The following EFCAB7 variants were observed in gnomAD, a reference collection of about 807,000 sequenced individuals.
EFCAB7 encodes the protein EF-hand calcium binding domain 7.
In EFCAB7, 66 loss-of-function variants were observed where a neutral mutation model predicts 77.1. That is an observed-to-expected ratio of 0.86 (90% CI 0.70 to 1.05). The LOEUF is 1.05. Ranked by LOEUF, EFCAB7 falls within the 50% of genes least tolerant of loss-of-function variation. The pLI, the probability that EFCAB7 is intolerant of heterozygous loss-of-function variation, is 0.00. For synonymous variants in EFCAB7, 225 were observed against 243.3 expected (o/e 0.92, Z 0.70); for missense variants, 638 against 730.5 (o/e 0.87, Z 1.46).
At chr1:63,528,666 T>TAC (rs1646640256) in intron 2 of EFCAB7, among the ~76,000 whole-genome samples, 2 of 152,102 alleles carry the variant, frequency 1.3e-5, no homozygotes, top group African/African-American at 4.8e-5. Context: ...AAAAATCTCA[T>TAC]ATTATACACC....
chr1:63,563,374 C>T (rs1294243801), intron 11 of EFCAB7, among the ~76,000 whole-genome samples: 1 of 152,122 alleles, frequency 6.6e-6, no homozygotes, highest in African/African-American at 2.4e-5. Flanking sequence ...AATAAAAAGA[C>T]AAAGCTGAAT....
downstream of EFCAB7, among the ~76,000 whole-genome samples, chr1:63,573,562 T>C (rs1557693088): frequency 6.6e-6 from 1 of 152,258 alleles, no homozygotes; most frequent in Non-Finnish European, 1.5e-5. Flanking sequence ...AGACATCAGC[T>C]GTGATGGCTT....
intron 13 of EFCAB7, among the ~76,000 whole-genome samples, chr1:63,571,839 T>C (rs1046693438): frequency 4.6e-5 from 7 of 152,128 alleles, no homozygotes; most frequent in Non-Finnish European, 1.0e-4. Flanking sequence ...CAAAATGCTT[T>C]TATCTGCATT....
chr1:63,552,943 T>C (rs1344607397), intron 8 of EFCAB7, among the ~76,000 whole-genome samples: 1 of 152,222 alleles, frequency 6.6e-6, no homozygotes, highest in Non-Finnish European at 1.5e-5. Context: ...AAACAGTAGC[T>C]GTTTCCACTT....
chr1:63,574,079 C>T (rs12065692), downstream of EFCAB7, among the ~76,000 whole-genome samples: 2 of 152,228 alleles, frequency 1.3e-5, no homozygotes, highest in East Asian at 3.9e-4. Flanking sequence ...AGTGTCTACC[C>T]CGACCAAGAG....
intron 11 of EFCAB7, 54 bp from the exon 12 acceptor site, chr1:63,568,256 A>G: frequency 1.4e-6 from 2 of 1,402,664 alleles, no homozygotes. Context: ...ACATATTAAT[A>G]ATTTATTTAA....
intron 2 of EFCAB7, among the ~76,000 whole-genome samples, chr1:63,530,628 TGAAGA>T (rs1646678592): frequency 6.6e-6 from 1 of 152,180 alleles, no homozygotes. Flanking sequence ...TGGTTAAAAA[TGAAGA>T]GTAGTTTGAC....
At chr1:63,549,498 T>A in intron 7 of EFCAB7, 1 of 458,648 alleles carries the variant, frequency 2.2e-6, no homozygotes. Context: ...GGTGGATAAT[T>A]ACTGTACCTT....
the EFCAB7 span, among the ~76,000 whole-genome samples, chr1:63,580,011 GTAGA>G: frequency 6.6e-6 from 1 of 152,102 alleles, no homozygotes; most frequent in African/African-American, 2.4e-5. Flanking sequence ...CTTCTCTTCT[GTAGA>G]TAGTCTTTTT....
At chr1:63,534,069 G>C in intron 5 of EFCAB7, 26 bp from the exon 6 acceptor site, 1 of 1,611,734 alleles carries the variant, frequency 6.2e-7, no homozygotes, top group Non-Finnish European at 8.5e-7. Flanking sequence ...CATAATGTCA[G>C]ACCAAATAAT....
rs201586779 is a variant in EFCAB7 at position 63,546,067 on chromosome 1, A to T, written c.946+10A>T. 12 of 1,601,714 alleles carry T rather than the reference A, an allele frequency of 7.5e-6. No individual in the cohort carries two copies. The highest frequency in any genetic ancestry group is 1.0e-5 in the Non-Finnish European group (12 of 1,177,020). ...CTGAGTCAAGTTGAAGGCAAGTTTAAGTTTTTTGTATATTTTTAAAATGTC... is the reference window on the plus strand; with the variant it reads ...CTGAGTCAAGTTGAAGGCAAGTTTATGTTTTTTGTATATTTTTAAAATGTC... On this transcript the variant is annotated intron_variant, in intron 7 of 13. Coordinates refer to ENST00000371088, the MANE Select transcript of EFCAB7 (RefSeq NM_032437.4).
At position 63,534,201 on chromosome 1, in the gene EFCAB7, G is replaced by C. The variant is rs1171769084; in HGVS notation, c.789G>C (p.Glu263Asp). The change falls in exon 6 of 14, where the codon GAG becomes GAC. Residue 263 changes from glutamate (E) to aspartate (D), a missense_variant. Physicochemically the swap from Glu to Asp is conservative, Grantham distance 45. Transcript: ENST00000371088. Reference protein sequence around the residue: ...ANGNRNSKLMEPNLIKDWQHM... With the variant: ...ANGNRNSKLMDPNLIKDWQHM... ...GTAACCGAAACTCAAAGTTAATGGA[G>C]CCAAATTTAATAAAGGTATAGTATT... 1 of 1,611,850 alleles carries C rather than the reference G, an allele frequency of 6.2e-7. No homozygotes were observed. The highest frequency in any genetic ancestry group is 2.2e-5 in the East Asian group (1 of 44,796).
chr1:63,572,517 ATAAT>A lies in EFCAB7; in HGVS notation c.*4_*7del. ...TTGTATATATTCTCTTATTTCTTAA[ATAAT>A]TATACTTAGAACTTACCAAACTAAG... On this transcript the variant is annotated 3_prime_UTR_variant, in exon 14 of 14. Coordinates refer to ENST00000371088, the MANE Select transcript of EFCAB7 (RefSeq NM_032437.4). 6.8e-7 allele frequency: 1 copy of A among 1,472,068 alleles called. No homozygotes were observed. The highest frequency in any genetic ancestry group is 1.3e-5 in the South Asian group (1 of 75,358). 91.2% of individuals were successfully genotyped at this position (1,472,068 alleles called of 1,614,324 possible).
chr1:63,529,320 G>T (rs979200376), intron 2 of EFCAB7: 1 of 152,210 alleles, frequency 6.6e-6, no homozygotes, highest in Non-Finnish European at 1.5e-5. Flanking sequence ...TAATCTAGAG[G>T]AGAAGAGAAT....
chr1:63,527,409 C>A (rs912765099), intron 2 of EFCAB7, among the ~76,000 whole-genome samples: 7 of 143,480 alleles, frequency 4.9e-5, no homozygotes, highest in African/African-American at 1.6e-4. Context: ...CTGCTTCTTG[C>A]TACACCTTTC....
intron 11 of EFCAB7, among the ~76,000 whole-genome samples, chr1:63,562,729 T>C (rs2100921279): frequency 6.6e-6 from 1 of 150,998 alleles, no homozygotes; most frequent in African/African-American, 2.4e-5. Flanking sequence ...GGCTAATTTC[T>C]ATATTTTATG....
downstream of EFCAB7, among the ~76,000 whole-genome samples, chr1:63,574,687 G>A (rs1408111563): frequency 6.6e-6 from 1 of 152,150 alleles, no homozygotes; most frequent in African/African-American, 2.4e-5. Context: ...GAAGTAAAGC[G>A]GCTTTGAGAA....
chr1:63,583,396 T>C, the EFCAB7 span, among the ~76,000 whole-genome samples: 4 of 152,316 alleles, frequency 2.6e-5, no homozygotes, highest in African/African-American at 7.2e-5. Context: ...TTTTTCTAGA[T>C]TGGTTCCATC....
chr1:63,528,668 T>C (rs768218264), intron 2 of EFCAB7, among the ~76,000 whole-genome samples: 6 of 152,108 alleles, frequency 3.9e-5, no homozygotes, highest in Non-Finnish European at 8.8e-5. Flanking sequence ...AAATCTCATA[T>C]TATACACCTA....
Sources: allele counts gnomAD v4.1 joint callset (sites outside exome capture counted in the v4.1 genomes callset), GRCh38; gene constraint gnomAD v4.1.1; transcripts MANE v1.5; gene names NCBI Gene and HGNC (gene_info 2026-07-23, HGNC 2026-07-21).